The following DYSF variants were observed in gnomAD, a reference collection of about 807,000 sequenced individuals.
The protein encoded by DYSF is dysferlin.
A neutral mutation model predicts 274.9 loss-of-function variants in DYSF; 212 were observed. The ratio of observed to expected loss-of-function variants is 0.77; its 90% confidence interval spans 0.69 to 0.86. DYSF has a LOEUF of 0.86. DYSF is among the 40% of genes least tolerant of loss of function. The pLI is 0.00. For synonymous variants in DYSF, 1,091 were observed against 1,078.7 expected, an observed-to-expected ratio of 1.01 and a Z score of -0.22; for missense variants, 2,666 against 2,783.2, an observed-to-expected ratio of 0.96 and a Z score of 0.95.
chr2:71,596,002 C>CTT lies in DYSF; in HGVS notation c.3575-2546_3575-2545dup, dbSNP rs34280550. On this transcript the variant is annotated intron_variant, in intron 32 of 55. Coordinates refer to ENST00000410020, the MANE Select transcript of DYSF (RefSeq NM_001130987.2). ...AGCAACACCCCTACTCCCCTTTTTC[C>CTT]TTTTTTTTTTTTTTTTTGAGGAGTG... Among the ~76,000 whole-genome samples the CTT allele has an allele frequency of 1.9e-3, 252 of 135,800 alleles. 1 individual carries two copies. The highest frequency in any genetic ancestry group is 5.7e-3 in the African/African-American group (206 of 36,414). The allele number at this position is 135,800 out of a possible 152,430, so 89.1% of individuals were successfully genotyped here. A position where few individuals can be genotyped will look rare whatever the true frequency, so the allele number is the denominator to read the frequency against.
At chr2:71,590,136 C>T (rs1214486884) in intron 31 of DYSF, 75 bp from the exon 32 acceptor site, 33 of 1,467,528 alleles carry the variant, frequency 2.2e-5, no homozygotes, top group Non-Finnish European at 3.1e-5. Flanking sequence ...GGACAGACTC[C>T]ACCTCCCCCC....
chr2:71,464,274 GC>G (rs2081405508), upstream of DYSF, among the ~76,000 whole-genome samples: 2 of 152,240 alleles, frequency 1.3e-5, no homozygotes, highest in African/African-American at 4.8e-5. Flanking sequence ...TGCACCAGGT[GC>G]TGTTTCAGGC....
intron 3 of DYSF, among the ~76,000 whole-genome samples, chr2:71,501,847 CTGCTGTGAACACAGGTG>C (rs1420335999): frequency 6.6e-6 from 1 of 152,192 alleles, no homozygotes; most frequent in Admixed American, 6.5e-5. Context: ...GTGAATAATA[CTGCTGTGAACACAGGTG>C]TGCAAATATC....
At position 71,685,635 on chromosome 2, in the gene DYSF, G is replaced by T. The variant is rs553101405; in HGVS notation, c.6322-819G>T. On this transcript the variant is annotated intron_variant, in intron 55 of 55. Coordinates refer to ENST00000410020, the MANE Select transcript of DYSF (RefSeq NM_001130987.2). ...CCCCTACCCTCTTGGAAATTCCCTT[G>T]GGAGGGGTATGAGGGGGCAGCCTGT... Among the ~76,000 whole-genome samples the T allele has an allele frequency of 2.8e-4, 43 of 152,328 alleles. No individual in the cohort carries two copies. In the South Asian group the frequency reaches 7.7e-3, roughly 27 times the overall value.
chr2:71,601,287 C>T (rs1279639535), intron 34 of DYSF: 9 of 666,786 alleles, frequency 1.3e-5, no homozygotes, highest in African/African-American at 3.6e-5. Context: ...GATGTGAACC[C>T]GAATAAGTAG....
At chr2:71,519,952 C>G (rs1387197228) in intron 10 of DYSF, among the ~76,000 whole-genome samples, 1 of 151,988 alleles carries the variant, frequency 6.6e-6, no homozygotes, top group African/African-American at 2.4e-5. Context: ...CATGAGCCAC[C>G]ACGCCCAGCC....
chr2:71,686,432 C>A, intron 55 of DYSF, 22 bp from the exon 56 acceptor site: 1 of 1,613,886 alleles, frequency 6.2e-7, no homozygotes, highest in Non-Finnish European at 8.5e-7. Flanking sequence ...ACCATGGGTC[C>A]CTGTCTCCTC....
At chr2:71,470,773 C>CTTCCTTCA (rs1374437259) in intron 1 of DYSF, among the ~76,000 whole-genome samples, 3 of 137,810 alleles carry the variant, frequency 2.2e-5, no homozygotes, top group African/African-American at 8.5e-5. Context: ...TCCTTCCTTC[C>CTTCCTTCA]TTCCTTCCTT....
At chr2:71,476,358 C>G (rs2082390768) in intron 1 of DYSF, among the ~76,000 whole-genome samples, 1 of 152,020 alleles carries the variant, frequency 6.6e-6, no homozygotes, top group South Asian at 2.1e-4. Flanking sequence ...TTGAGGCCAG[C>G]CTGGCCAACA....
At chr2:71,618,455 GTTGTGTGTGTGT>G (rs2093988963) in intron 40 of DYSF, among the ~76,000 whole-genome samples, 41 of 19,012 alleles carry the variant, frequency 2.2e-3, no homozygotes, top group African/African-American at 7.9e-3. Flanking sequence ...TAGAGGTGGG[GTTGTGTGTGTGT>G]GGTAGAGGTG....
chr2:71,629,542 C>G (rs1006957953), intron 41 of DYSF, among the ~76,000 whole-genome samples: 3 of 152,140 alleles, frequency 2.0e-5, no homozygotes, highest in African/African-American at 7.2e-5. Context: ...GTGGAAGTTA[C>G]ATTCTTTTAG....
Position 71,526,275 on chromosome 2 carries a change from GGCCCACAGGCGTAGCCCTGCGAGGA to G in DYSF, c.1212_1236del (p.Gly405SerfsTer3), listed in dbSNP as rs2152748581. 1 of 1,614,240 alleles carries G rather than the reference GGCCCACAGGCGTAGCCCTGCGAGGA, an allele frequency of 6.2e-7. No individual in the cohort carries two copies. On this transcript the variant is annotated frameshift_variant, in exon 13 of 56. Coordinates refer to ENST00000410020, the MANE Select transcript of DYSF (RefSeq NM_001130987.2). LOFTEE classifies it high-confidence loss of function. ...GAGGACATTGAAAGCAACCTGCTCC[GGCCCACAGGCGTAGCCCTGCGAGGA>G]GCCCACTTCTGCCTGAAGGTCTTCC...
intron 16 of DYSF, among the ~76,000 whole-genome samples, chr2:71,537,147 T>C (rs1322351237): frequency 1.3e-5 from 2 of 151,482 alleles, no homozygotes; most frequent in African/African-American, 2.4e-5. Flanking sequence ...TGGGTACAAA[T>C]GCCATTAACT....
At chr2:71,565,547 C>T (rs1459965589) in intron 24 of DYSF, among the ~76,000 whole-genome samples, 1 of 152,182 alleles carries the variant, frequency 6.6e-6, no homozygotes, top group East Asian at 1.9e-4. Context: ...CTCCCCTCTT[C>T]CAGGAAGTCG....
intron 17 of DYSF, among the ~76,000 whole-genome samples, chr2:71,545,283 G>A (rs1040270784): frequency 6.6e-6 from 1 of 152,224 alleles, no homozygotes; most frequent in Non-Finnish European, 1.5e-5. Context: ...TCAAGTACAC[G>A]CAAAGGTAGA....
chr2:71,478,362 C>T (rs1194496874), intron 1 of DYSF, among the ~76,000 whole-genome samples: 4 of 151,964 alleles, frequency 2.6e-5, no homozygotes, highest in African/African-American at 4.8e-5. Context: ...CAGGTGCCAG[C>T]CACCATGCCC....
chr2:71,585,081 CCA>C (rs1390329003), intron 30 of DYSF, among the ~76,000 whole-genome samples: 1 of 152,212 alleles, frequency 6.6e-6, no homozygotes, highest in Non-Finnish European at 1.5e-5. Context: ...CCGAACCTGG[CCA>C]CAGGGGACAT....
At chr2:71,504,333 G>A (rs955357383) in intron 4 of DYSF, among the ~76,000 whole-genome samples, 1 of 152,170 alleles carries the variant, frequency 6.6e-6, no homozygotes, top group African/African-American at 2.4e-5. Context: ...GGGGTCTTAG[G>A]CTGGGGATGG....
chr2:71,479,206 G>A (rs2082675034), intron 1 of DYSF, among the ~76,000 whole-genome samples: 1 of 105,124 alleles, frequency 9.5e-6, no homozygotes, highest in Non-Finnish European at 2.3e-5. Context: ...CCTTTGAATT[G>A]TCTGTTGAGC....
Sources: allele counts gnomAD v4.1 joint callset (sites outside exome capture counted in the v4.1 genomes callset), GRCh38; gene constraint gnomAD v4.1.1; transcripts MANE v1.5; gene names NCBI Gene and HGNC (gene_info 2026-07-23, HGNC 2026-07-21).